CNTLN: variants seen among roughly 807,000 people sequenced by gnomAD.
The protein encoded by CNTLN is centlein, centrosomal protein.
Under a neutral mutation model 180.0 loss-of-function variants are expected in CNTLN, and 212 were observed. The observed-to-expected ratio is 1.18, with a 90% CI of 1.05 to 1.32. CNTLN has a LOEUF of 1.32. Among genes scored for constraint, CNTLN ranks in the 40% most tolerant of loss-of-function variants. The pLI, the probability that CNTLN is intolerant of heterozygous loss-of-function variation, is 0.00. For synonymous variants in CNTLN, 722 were observed against 563.1 expected, an observed-to-expected ratio of 1.28 and a Z score of -3.99; for missense variants, 2,095 against 1,610.9, an observed-to-expected ratio of 1.30 and a Z score of -5.14.
chr9:17,462,936 TA>T lies in CNTLN; in HGVS notation c.3330del (p.Lys1110AsnfsTer6). 1 of 1,575,292 alleles carries T rather than the reference TA, an allele frequency of 6.3e-7. No individual in the cohort carries two copies. Among genetic ancestry groups the T allele is most frequent in the Admixed American group, 1.9e-5 (1 of 51,644 alleles). ...KLKNATNELTKQSSNVKTLKF... is the reference protein window; with the variant it reads ...KLKNATNELTXQSSNVKTLKF... ...TCTAGAATGCTACTAATGAACTCAC[TA>T]AACAGTCATCAAATGTGAAGACTTT... On this transcript the variant is annotated frameshift_variant, in exon 20 of 26. Transcript: ENST00000380647. LOFTEE classifies it high-confidence loss of function.
At chr9:17,294,734 C>T (rs1235989179) in intron 6 of CNTLN, among the ~76,000 whole-genome samples, 1 of 129,630 alleles carries the variant, frequency 7.7e-6, no homozygotes, top group Non-Finnish European at 1.6e-5. Context: ...GGGCAGAGCT[C>T]GTCGGGGAGG....
At chr9:17,274,461 CTAT>C (rs1828164412) in intron 6 of CNTLN, among the ~76,000 whole-genome samples, 2 of 124,238 alleles carry the variant, frequency 1.6e-5, no homozygotes, top group African/African-American at 6.0e-5. Context: ...CAATATCTAT[CTAT>C]CTATCTATCT....
chr9:17,434,607 G>T lies in CNTLN; in HGVS notation c.3114+18418G>T, dbSNP rs537097624. The stretch of plus-strand genomic sequence containing the variant: ...CTAGTCTGTGTATATTTCCAAATTT[G>T]TTGACGTTGGTTTTATGGTCTACAT... On this transcript the variant is annotated intron_variant, in intron 18 of 25. Coordinates refer to ENST00000380647, the MANE Select transcript of CNTLN (RefSeq NM_017738.4). 3.1e-4 allele frequency among the ~76,000 whole-genome samples: 47 copies of T among 151,840 alleles called. No individual in the cohort carries two copies. The South Asian group carries it at 8.7e-3, about 28-fold the overall frequency.
chr9:17,476,643 A>G (rs1051173102), intron 23 of CNTLN, among the ~76,000 whole-genome samples: 1 of 152,240 alleles, frequency 6.6e-6, no homozygotes, highest in Non-Finnish European at 1.5e-5. Flanking sequence ...ACCAGTCACA[A>G]CAGTTTCTTA....
intron 25 of CNTLN, 37 bp from the exon 26 acceptor site, chr9:17,502,514 T>C (rs780294020): frequency 1.0e-5 from 10 of 976,374 alleles, no homozygotes; most frequent in Admixed American, 2.8e-5. Flanking sequence ...GAAGAAAATA[T>C]AGAGTTTTAA....
At chr9:17,339,233 C>G (rs185954984) in intron 10 of CNTLN, among the ~76,000 whole-genome samples, 39 of 152,190 alleles carry the variant, frequency 2.6e-4, no homozygotes, top group Admixed American at 2.4e-3. Context: ...GACAGACTAC[C>G]CATACTGCTA....
At chr9:17,231,341 A>G (rs1824799574) in intron 3 of CNTLN, among the ~76,000 whole-genome samples, 1 of 152,134 alleles carries the variant, frequency 6.6e-6, no homozygotes, top group Non-Finnish European at 1.5e-5. Context: ...AAAGTTACAC[A>G]CACACACAGT....
intron 2 of CNTLN, among the ~76,000 whole-genome samples, chr9:17,212,427 C>CTT (rs1437683395): frequency 6.6e-6 from 1 of 152,142 alleles, no homozygotes; most frequent in African/African-American, 2.4e-5. Context: ...GGTGGATAAG[C>CTT]TTTTTGATGT....
chr9:17,294,354 T>G (rs1007372988), intron 6 of CNTLN, among the ~76,000 whole-genome samples: 1 of 151,980 alleles, frequency 6.6e-6, no homozygotes, highest in African/African-American at 2.4e-5. Context: ...TACAGAGAGC[T>G]GATTGGTCCA....
chr9:17,344,874 C>T (rs1167049395), intron 12 of CNTLN, among the ~76,000 whole-genome samples: 1 of 152,120 alleles, frequency 6.6e-6, no homozygotes, highest in African/African-American at 2.4e-5. Flanking sequence ...AAAATTTCCT[C>T]ATCCTGCCCC....
At chr9:17,341,392 A>G (rs1821471109) in intron 11 of CNTLN, among the ~76,000 whole-genome samples, 1 of 152,210 alleles carries the variant, frequency 6.6e-6, no homozygotes, top group Admixed American at 6.5e-5. Flanking sequence ...TCTTAAAACT[A>G]CTTCAACCTA....
At chr9:17,355,958 G>A (rs2133339740) in intron 12 of CNTLN, among the ~76,000 whole-genome samples, 1 of 151,754 alleles carries the variant, frequency 6.6e-6, no homozygotes, top group South Asian at 2.1e-4. Context: ...CAGCTACTCG[G>A]TAGGCTGAGA....
chr9:17,393,608 A>G (rs78573233), intron 14 of CNTLN, among the ~76,000 whole-genome samples: 3,324 of 152,270 alleles, frequency 0.022, 108 homozygotes, highest in African/African-American at 0.076. Flanking sequence ...GTCTGGAAAG[A>G]TAATTGTTGG....
At chr9:17,475,876 A>G (rs1221139179) in intron 23 of CNTLN, among the ~76,000 whole-genome samples, 1 of 150,732 alleles carries the variant, frequency 6.6e-6, no homozygotes, top group Non-Finnish European at 1.5e-5. Context: ...CTCTCTCAAA[A>G]AAAAAAAAAA....
intron 18 of CNTLN, among the ~76,000 whole-genome samples, chr9:17,424,088 C>T (rs1363306729): frequency 6.6e-6 from 1 of 152,166 alleles, no homozygotes; most frequent in African/African-American, 2.4e-5. Context: ...TCTGTTTGGC[C>T]ATTTTGCTCT....
chr9:17,302,848 G>C (rs1167603501), intron 7 of CNTLN, among the ~76,000 whole-genome samples: 1 of 152,170 alleles, frequency 6.6e-6, no homozygotes, highest in African/African-American at 2.4e-5. Flanking sequence ...CAGTTATAAA[G>C]ACAGAATGTA....
chr9:17,431,495 G>T (rs1055142664), intron 18 of CNTLN, among the ~76,000 whole-genome samples: 15 of 151,826 alleles, frequency 9.9e-5, no homozygotes, highest in Non-Finnish European at 1.9e-4. Context: ...TATTTACGTT[G>T]TCTCTTTGTT....
Position 17,409,372 on chromosome 9 carries a change from G to T in CNTLN, c.2695G>T (p.Asp899Tyr). The T allele has an allele frequency of 6.2e-7, 1 of 1,613,366 alleles. No homozygotes were observed. Among genetic ancestry groups the T allele is most frequent in the Non-Finnish European group, 8.5e-7 (1 of 1,179,564 alleles). ...ETSQKISPTE[D>Y]GKDQKESDPT... ...ATCCCAGAAAATAAGTCCTACGGAA[G>T]ATGGAAAAGACCAGAAAGAAAGTGA... The change falls in exon 16 of 26, where the codon GAT (aspartate) becomes TAT (tyrosine). Residue 899 changes from aspartate to tyrosine, a missense_variant. Transcript: ENST00000380647.
the CNTLN span, among the ~76,000 whole-genome samples, chr9:17,520,046 G>A: frequency 5.3e-5 from 8 of 152,210 alleles, no homozygotes; most frequent in Admixed American, 2.0e-4. Flanking sequence ...CAGGAAAGAT[G>A]CCTCACACTG....
Sources: allele counts gnomAD v4.1 joint callset (sites outside exome capture counted in the v4.1 genomes callset), GRCh38; gene constraint gnomAD v4.1.1; transcripts MANE v1.5; gene names NCBI Gene and HGNC (gene_info 2026-07-23, HGNC 2026-07-21).